RIF1: variants seen among roughly 807,000 people sequenced by gnomAD.
RIF1 encodes telomere-associated protein RIF1.
RIF1 carries 45 observed loss-of-function variants against 247.1 expected under a neutral mutation model. The observed-to-expected ratio is 0.18, with a 90% CI of 0.14 to 0.23. The LOEUF (loss-of-function observed/expected upper bound fraction) is 0.23. RIF1 is among the 10% of genes least tolerant of loss of function. The pLI, the probability that RIF1 is intolerant of heterozygous loss-of-function variation, is 1.00. For synonymous variants in RIF1, 1,087 were observed against 978.8 expected (o/e 1.11, Z -2.06); for missense variants, 2,967 against 2,862.5 (o/e 1.04, Z -0.83).
chr2:151,527,063 G>A, the RIF1 span: 1 of 1,345,506 alleles, frequency 7.4e-7, no homozygotes, highest in Non-Finnish European at 1.0e-6. Flanking sequence ...AAGGGTGACA[G>A]CACAGGAGGA....
the RIF1 span, among the ~76,000 whole-genome samples, chr2:151,515,731 A>G: frequency 6.6e-6 from 1 of 152,242 alleles, no homozygotes; most frequent in South Asian, 2.1e-4. Context: ...CAAGAACAGT[A>G]TAAGAAACTC....
At chr2:151,447,539 A>G (rs764122083) in intron 20 of RIF1, among the ~76,000 whole-genome samples, 1 of 151,760 alleles carries the variant, frequency 6.6e-6, no homozygotes, top group Non-Finnish European at 1.5e-5. Flanking sequence ...TTGGAATTCT[A>G]TTATTTATTT....
At chr2:151,467,564 T>G (rs1697137218) in intron 30 of RIF1, among the ~76,000 whole-genome samples, 1 of 152,054 alleles carries the variant, frequency 6.6e-6, no homozygotes, top group Non-Finnish European at 1.5e-5. Flanking sequence ...AGGCTGGTCT[T>G]GAACTCCTGA....
chr2:151,492,668 C>G, intron 9 of RIF1: 1 of 413,730 alleles, frequency 2.4e-6, no homozygotes, highest in Non-Finnish European at 4.3e-6. Flanking sequence ...CAGAAGGGCC[C>G]GCCAGTGGAA....
the RIF1 span, chr2:151,515,067 A>C: frequency 4.8e-6 from 3 of 625,038 alleles, no homozygotes; most frequent in Non-Finnish European, 8.4e-6. Flanking sequence ...CACACATTTG[A>C]AACATGTATG....
At chr2:151,490,496 C>G in intron 9 of RIF1, 1 of 1,609,202 alleles carries the variant, frequency 6.2e-7, no homozygotes, top group Non-Finnish European at 8.5e-7. Context: ...GTGACTGCTC[C>G]CGGCTCCGGC....
At chr2:151,459,298 A>T (rs1275354985) in intron 25 of RIF1, among the ~76,000 whole-genome samples, 1 of 152,236 alleles carries the variant, frequency 6.6e-6, no homozygotes, top group Non-Finnish European at 1.5e-5. Context: ...CTTTGCTGTC[A>T]CATGGCATTA....
At chr2:151,511,548 A>C (rs2074339145), downstream of RIF1, among the ~76,000 whole-genome samples, 1 of 152,216 alleles carries the variant, frequency 6.6e-6, no homozygotes, top group South Asian at 2.1e-4. Context: ...CAGCGAATCT[A>C]CATCCCCAGG....
intron 8 of RIF1, chr2:151,423,343 T>A (rs983783699): frequency 2.0e-5 from 5 of 245,960 alleles, no homozygotes; most frequent in Non-Finnish European, 3.8e-5. Flanking sequence ...TAAACAGGTG[T>A]CCTTTTTATA....
intron 12 of RIF1, 89 bp from the exon 13 acceptor site, chr2:151,437,152 A>C: frequency 8.1e-7 from 1 of 1,233,004 alleles, no homozygotes; most frequent in Non-Finnish European, 1.2e-6. Context: ...AAACACACCT[A>C]CTTAATAGAC....
At chr2:151,496,206 T>C (rs2060061527) in intron 10 of RIF1, 1 of 1,395,510 alleles carries the variant, frequency 7.2e-7, no homozygotes, top group Non-Finnish European at 9.9e-7. Flanking sequence ...AGGATTAATA[T>C]GTATTATTTT....
In RIF1 at chr2:151,475,093, G is replaced by T. The variant is rs1553501274; in HGVS notation, c.*22G>T. 3 of 1,532,584 alleles carry T rather than the reference G, an allele frequency of 2.0e-6. No homozygotes were observed. Among genetic ancestry groups the T allele is most frequent in the South Asian group, 2.2e-5 (2 of 89,170 alleles). 94.9% of individuals were successfully genotyped at this position (1,532,584 alleles called of 1,614,324 possible). A position where few individuals can be genotyped will look rare whatever the true frequency, so the allele number is the denominator to read the frequency against. ...TTAGTATTTTCAGAGAAAATTGAAGGTTTTTTTAAACATCACTGGATTTCT... is the reference window on the plus strand; with the variant it reads ...TTAGTATTTTCAGAGAAAATTGAAGTTTTTTTTAAACATCACTGGATTTCT... On this transcript the variant is annotated 3_prime_UTR_variant, in exon 36 of 36. Transcript: ENST00000444746.
intron 24 of RIF1, 69 bp from the exon 25 acceptor site, chr2:151,458,742 G>A: frequency 1.3e-6 from 1 of 772,648 alleles, no homozygotes; most frequent in Admixed American, 2.6e-5. Flanking sequence ...AAGTGCTGTT[G>A]TTAACAGATC....
chr2:151,439,678 A>G (rs1294976601), intron 14 of RIF1, among the ~76,000 whole-genome samples: 1 of 151,314 alleles, frequency 6.6e-6, no homozygotes, highest in Non-Finnish European at 1.5e-5. Context: ...AAAAAAAAAA[A>G]AAAAAAGTAA....
rs765884208 is a variant in RIF1 at position 151,409,946 on chromosome 2, A to G, written c.-98A>G. On this transcript the variant is annotated 5_prime_UTR_variant, in exon 1 of 36. Coordinates refer to ENST00000444746, the MANE Select transcript of RIF1 (RefSeq NM_018151.5). Reference sequence around the variant, plus strand: ...GAGGGAGCGCGCCGCACGCGTGAGTAAACAGCCGGAGCTGGGAAAGTCGAG... The same window carrying G: ...GAGGGAGCGCGCCGCACGCGTGAGTGAACAGCCGGAGCTGGGAAAGTCGAG... 32 of 701,094 alleles carry G rather than the reference A, an allele frequency of 4.6e-5. 1 individual carries two copies. The highest frequency in any genetic ancestry group is 3.6e-4 in the South Asian group (24 of 66,880). The allele number at this position is 701,094 out of a possible 1,614,324, so 43.4% of individuals were successfully genotyped here. A position where few individuals can be genotyped will look rare whatever the true frequency, so the allele number is the denominator to read the frequency against.
intron 12 of RIF1, chr2:151,505,885 A>G: frequency 1.8e-6 from 1 of 541,258 alleles, no homozygotes; most frequent in South Asian, 2.3e-5. Flanking sequence ...AAACAGATTG[A>G]CATACATATA....
intron 24 of RIF1, 91 bp downstream of exon 24, chr2:151,458,054 G>A (rs949307583): frequency 3.8e-5 from 34 of 886,448 alleles, no homozygotes; most frequent in Non-Finnish European, 5.3e-5. Context: ...TTCTTATGGG[G>A]TATTGTTACA....
In RIF1 at chr2:151,464,864, T is replaced by A. The variant is rs1307223704; in HGVS notation, c.5344T>A (p.Tyr1782Asn). Residue 1782 changes from tyrosine to asparagine, a missense_variant, in exon 30 of 36, where the codon TAT becomes AAT. By Grantham distance (143) the Tyr-to-Asn change is moderately radical (BLOSUM62 -2). Coordinates refer to ENST00000444746, the MANE Select transcript of RIF1 (RefSeq NM_018151.5). ...SPSETSQANP[Y>N]SEGQFLDEHH... Reference sequence around the variant, plus strand: ...ATCAGAAACTTCTCAAGCTAATCCATATTCTGAAGGACAATTTTTAGATGA... The same window carrying A: ...ATCAGAAACTTCTCAAGCTAATCCAAATTCTGAAGGACAATTTTTAGATGA... 6.3e-7 allele frequency: 1 copy of A among 1,598,660 alleles called. No homozygotes were observed.
In RIF1 at chr2:151,469,877, A is replaced by G. The variant is rs1697525366; in HGVS notation, c.7095+13A>G. The G allele has an allele frequency of 5.1e-6, 8 of 1,575,698 alleles. No homozygotes were observed. Among genetic ancestry groups the G allele is most frequent in the South Asian group, 1.2e-5 (1 of 86,178 alleles). On this transcript the variant is annotated intron_variant, in intron 34 of 35. Coordinates refer to ENST00000444746, the MANE Select transcript of RIF1 (RefSeq NM_018151.5). ...TCATGAGCAGCAGGTAAAAACTTAGATATTAGCTATGATGTATATTAATAA... is the reference window on the plus strand; with the variant it reads ...TCATGAGCAGCAGGTAAAAACTTAGGTATTAGCTATGATGTATATTAATAA...
Sources: gnomAD v4.1 joint callset for allele counts (sites outside exome capture counted in the v4.1 genomes callset) on GRCh38, gnomAD v4.1.1 for gene constraint, MANE v1.5 for transcripts, NCBI Gene and HGNC (gene_info 2026-07-23, HGNC 2026-07-21) for gene names.